Variants in KIF6 observed in about 807,000 individuals in gnomAD.
KIF6 encodes the protein kinesin family member 6, also known as kinesin-like protein KIF6.
In KIF6, 106 loss-of-function variants were observed where a neutral mutation model predicts 112.7. The ratio of observed to expected loss-of-function variants is 0.94; its 90% CI spans 0.80 to 1.11. The LOEUF is 1.11. Ranked by LOEUF, KIF6 falls within the 50% of genes least tolerant of loss-of-function variation. The probability of loss-of-function intolerance (pLI) is 0.00; values close to 1 mark genes in which losing one functional copy is unlikely to be tolerated. For synonymous variants in KIF6, 339 were observed against 339.9 expected (o/e 1.00, Z 0.03); for missense variants, 929 against 964.0 (o/e 0.96, Z 0.48).
chr6:39,642,041 T>C (rs1003401456), intron 3 of KIF6, among the ~76,000 whole-genome samples: 6 of 152,182 alleles, frequency 3.9e-5, no homozygotes, highest in Non-Finnish European at 8.8e-5. Context: ...CAGTCCCTTC[T>C]GTAGAGCCTC....
At chr6:39,511,850 A>C (rs1225408956) in intron 13 of KIF6, among the ~76,000 whole-genome samples, 2 of 152,226 alleles carry the variant, frequency 1.3e-5, no homozygotes, top group Admixed American at 1.3e-4. Flanking sequence ...AAGGACAGAA[A>C]ACCAAACACT....
At chr6:39,598,649 G>A (rs1448420433) in intron 6 of KIF6, among the ~76,000 whole-genome samples, 2 of 151,576 alleles carry the variant, frequency 1.3e-5, no homozygotes, top group African/African-American at 4.8e-5. Context: ...TATGCGATAA[G>A]GACATATATA....
chr6:39,533,220 C>T (rs922322183), intron 13 of KIF6, among the ~76,000 whole-genome samples: 6 of 152,214 alleles, frequency 3.9e-5, no homozygotes, highest in Admixed American at 6.5e-5. Flanking sequence ...TTGCCTCACT[C>T]GGGAAGCGCA....
At chr6:39,598,662 T>A (rs1467979628) in intron 6 of KIF6, among the ~76,000 whole-genome samples, 1 of 152,046 alleles carries the variant, frequency 6.6e-6, no homozygotes, top group African/African-American at 2.4e-5. Context: ...CATATATATG[T>A]GGACATTCAC....
At chr6:39,349,746 G>A (rs1197822815) in intron 19 of KIF6, among the ~76,000 whole-genome samples, 1 of 144,598 alleles carries the variant, frequency 6.9e-6, no homozygotes, top group African/African-American at 2.6e-5. Flanking sequence ...GGGTTCAAGC[G>A]ATTCTTCTGC....
At chr6:39,507,883 T>C (rs1351016149) in intron 13 of KIF6, among the ~76,000 whole-genome samples, 1 of 150,174 alleles carries the variant, frequency 6.7e-6, no homozygotes, top group Non-Finnish European at 1.5e-5. Context: ...TTTCTTTCTT[T>C]CCTTTCTCTC....
At chr6:39,431,030 G>A in intron 14 of KIF6, 23 bp downstream of exon 14, 1 of 1,499,504 alleles carries the variant, frequency 6.7e-7, no homozygotes, top group Non-Finnish European at 9.3e-7. Context: ...CGGAGGACCA[G>A]CTGCTCTCTG....
At chr6:39,612,406 A>G (rs755261253) in intron 6 of KIF6, among the ~76,000 whole-genome samples, 47 of 152,024 alleles carry the variant, frequency 3.1e-4, no homozygotes, top group Non-Finnish European at 4.4e-4. Context: ...CCACCATCCC[A>G]TTCCCTTCAC....
intron 15 of KIF6, among the ~76,000 whole-genome samples, chr6:39,411,056 C>T (rs1424230740): frequency 6.6e-6 from 1 of 152,224 alleles, no homozygotes; most frequent in African/African-American, 2.4e-5. Flanking sequence ...AATTCTCTTT[C>T]TCATACCTTT....
chr6:39,559,047 T>C (rs1334609878), intron 10 of KIF6, among the ~76,000 whole-genome samples: 1 of 152,176 alleles, frequency 6.6e-6, no homozygotes, highest in Non-Finnish European at 1.5e-5. Context: ...AAATGTAGTG[T>C]CAGGACCAAA....
At chr6:39,514,499 G>C (rs1018567195) in intron 13 of KIF6, among the ~76,000 whole-genome samples, 1 of 152,168 alleles carries the variant, frequency 6.6e-6, no homozygotes, top group Non-Finnish European at 1.5e-5. Flanking sequence ...ATGCAAATGA[G>C]TTCTCTCAAT....
chr6:39,609,633 A>G (rs11756696), intron 6 of KIF6, among the ~76,000 whole-genome samples: 3,419 of 152,312 alleles, frequency 0.022, 60 homozygotes, highest in Non-Finnish European at 0.033. Flanking sequence ...CAACGAAGAT[A>G]TAAAAGTATT....
intron 7 of KIF6, among the ~76,000 whole-genome samples, chr6:39,594,264 T>C (rs1397543525): frequency 2.7e-5 from 4 of 150,772 alleles, no homozygotes; most frequent in Non-Finnish European, 4.4e-5. Context: ...TTACAATTGG[T>C]GGGAAGTCTG....
chr6:39,555,618 T>C (rs1245769277), intron 10 of KIF6, among the ~76,000 whole-genome samples: 1 of 152,074 alleles, frequency 6.6e-6, no homozygotes, highest in Non-Finnish European at 1.5e-5. Context: ...CATTTATTCA[T>C]TTACCTTTAT....
chr6:39,455,940 C>CA (rs1422027522), intron 13 of KIF6, among the ~76,000 whole-genome samples: 1 of 96,108 alleles, frequency 1.0e-5, no homozygotes, highest in Non-Finnish European at 2.1e-5. Context: ...AGTTGGAAAA[C>CA]ACTCTGCAGG....
At chr6:39,625,301 A>C (rs1784034471) in intron 5 of KIF6, among the ~76,000 whole-genome samples, 1 of 152,198 alleles carries the variant, frequency 6.6e-6, no homozygotes, top group Non-Finnish European at 1.5e-5. Flanking sequence ...CTGAGAGTAG[A>C]GGAAGCCAGC....
At position 39,596,201 on chromosome 6, in the gene KIF6, G is replaced by A. The variant is rs2150685695; in HGVS notation, c.699C>T (p.Ser233=). 4.3e-6 allele frequency: 7 copies of A among 1,614,028 alleles called. No homozygotes were observed. Among genetic ancestry groups the A allele is most frequent in the Middle Eastern group, 1.6e-4 (1 of 6,062 alleles). The change falls in exon 7 of 23, where the codon AGC becomes AGT. Residue 233 remains serine (S), a synonymous_variant. Transcript: ENST00000287152. ...GTACAGTTGCAGATCCTGGTTCCTT[G>A]CTTGACAAATGAATGGTGAAAATGC... is the stretch of plus-strand genomic sequence containing the variant. ...SHCIFTIHLS[S]KEPGSATVRH... is the part of the protein sequence containing the mutation.
chr6:39,462,264 G>T (rs1361806598), intron 13 of KIF6, among the ~76,000 whole-genome samples: 1 of 152,126 alleles, frequency 6.6e-6, no homozygotes, highest in Non-Finnish European at 1.5e-5. Context: ...AGAACTTGTT[G>T]GCACCATTCC....
intron 5 of KIF6, among the ~76,000 whole-genome samples, chr6:39,631,146 A>C (rs1342423259): frequency 6.7e-6 from 1 of 150,366 alleles, no homozygotes; most frequent in Non-Finnish European, 1.5e-5. Flanking sequence ...CTTGTAATGC[A>C]TTTGTCTGCT....
Sources: allele counts gnomAD v4.1 joint callset (sites outside exome capture counted in the v4.1 genomes callset), GRCh38; gene constraint gnomAD v4.1.1; transcripts MANE v1.5; gene names NCBI Gene and HGNC (gene_info 2026-07-23, HGNC 2026-07-21).